Variants in ACAN observed in about 807,000 individuals in gnomAD.
ACAN encodes aggrecan.
A neutral mutation model predicts 169.1 loss-of-function variants in ACAN; 47 were observed. The observed-to-expected ratio is 0.28, with a 90% CI of 0.22 to 0.35. The LOEUF (loss-of-function observed/expected upper bound fraction) is 0.35. Among genes scored for constraint, ACAN ranks in the 10% least tolerant of loss-of-function variants. The probability of loss-of-function intolerance (pLI) is 1.00; values close to 1 mark genes in which losing one functional copy is unlikely to be tolerated. For synonymous variants in ACAN, 1,115 were observed against 1,112.2 expected (o/e 1.00, Z -0.05); for missense variants, 2,716 against 2,759.9 (o/e 0.98, Z 0.36).
rs2141631288 is a variant in ACAN at position 88,868,212 on chromosome 15, G to C, written c.6947-4G>C. On this transcript the variant is annotated splice_polypyrimidine_tract_variant and splice_region_variant and intron_variant, in intron 13 of 18. Coordinates refer to ENST00000560601, the MANE Select transcript of ACAN (RefSeq NM_001369268.1). The surrounding 1 kb of genome is among the most constrained non-coding windows in gnomAD (Gnocchi z 5.2). ...TCCTAATGGTGGCCCTTGGTTTCTT[G>C]CAGACATTGATGAGTGCCTCTCAAG... 4.3e-6 allele frequency: 3 copies of C among 702,198 alleles called. No homozygotes were observed. Among genetic ancestry groups the C allele is most frequent in the South Asian group, 1.5e-5 (1 of 67,464 alleles). The allele number at this position is 702,198 out of a possible 1,614,324, so 43.5% of individuals were successfully genotyped here.
intron 1 of ACAN, among the ~76,000 whole-genome samples, chr15:88,818,718 A>G (rs1054722788): frequency 3.3e-5 from 5 of 152,208 alleles, no homozygotes; most frequent in African/African-American, 1.2e-4. Flanking sequence ...GCCTTCCTCC[A>G]AGATTTTCAA....
chr15:88,812,335 C>T (rs1265673956), intron 1 of ACAN, among the ~76,000 whole-genome samples: 1 of 152,068 alleles, frequency 6.6e-6, no homozygotes, highest in African/African-American at 2.4e-5. Flanking sequence ...CACAGAATGA[C>T]TCGCCCTTGG....
Position 88,868,819 on chromosome 15 carries a change from T to G in ACAN, c.7060+490T>G, listed in dbSNP as rs555957714. 4.6e-5 allele frequency among the ~76,000 whole-genome samples: 7 copies of G among 152,206 alleles called. No individual in the cohort carries two copies. Among genetic ancestry groups the G allele is most frequent in the Non-Finnish European group, 1.0e-4 (7 of 68,038 alleles). ...CTCCTGGGGCAAGAGCTGTGGTTGG[T>G]CTGCCTGAGATCTCCCGTGTCATCA... is the stretch of plus-strand genomic sequence containing the variant. On this transcript the variant is annotated intron_variant, in intron 14 of 18. Transcript: ENST00000560601. The surrounding 1 kb of genome is among the most constrained non-coding windows in gnomAD (Gnocchi z 5.2).
At chr15:88,841,958 A>G in intron 5 of ACAN, 91 bp downstream of exon 5, 2 of 1,542,854 alleles carry the variant, frequency 1.3e-6, no homozygotes, top group East Asian at 2.3e-5. Context: ...GAGATCACAC[A>G]GGCTGCCAGC....
At chr15:88,847,509 C>T (rs1192956844) in intron 8 of ACAN, 92 bp downstream of exon 8, 1 of 1,377,686 alleles carries the variant, frequency 7.3e-7, no homozygotes, top group Non-Finnish European at 9.6e-7. Context: ...ACACTGAGCA[C>T]CCAATACCTT....
At chr15:88,824,661 C>T (rs960648300) in intron 1 of ACAN, among the ~76,000 whole-genome samples, 1 of 152,144 alleles carries the variant, frequency 6.6e-6, no homozygotes, top group African/African-American at 2.4e-5. Context: ...AGCGGATTAC[C>T]TGAGGTCAGG....
Position 88,845,577 on chromosome 15 carries a change from T to C in ACAN, c.1124T>C (p.Val375Ala), listed in dbSNP as rs747278844. 6.2e-7 allele frequency: 1 copy of C among 1,613,864 alleles called. No homozygotes were observed. The highest frequency in any genetic ancestry group is 8.5e-7 in the Non-Finnish European group (1 of 1,179,900). Residue 375 changes from valine to alanine, a missense_variant, in exon 7 of 19, where the codon GTG (valine) becomes GCG (alanine). By Grantham distance (64) the Val-to-Ala change is moderately conservative. Coordinates refer to ENST00000560601, the MANE Select transcript of ACAN (RefSeq NM_001369268.1). ...GGEEDITVQT[V>A]TWPDMELPLP... Reference sequence around the variant, plus strand: ...GAGGAGGACATCACCGTCCAGACAGTGACCTGGCCTGACATGGAGCTGCCA... The same window carrying C: ...GAGGAGGACATCACCGTCCAGACAGCGACCTGGCCTGACATGGAGCTGCCA...
chr15:88,807,611 C>T lies in ACAN; in HGVS notation c.-8+3802C>T, dbSNP rs1267620550. Among the ~76,000 whole-genome samples the T allele has an allele frequency of 6.6e-6, 1 of 152,054 alleles. No homozygotes were observed. Among genetic ancestry groups the T allele is most frequent in the Admixed American group, 6.5e-5 (1 of 15,268 alleles). On this transcript the variant is annotated intron_variant, in intron 1 of 18. Coordinates refer to ENST00000560601, the MANE Select transcript of ACAN (RefSeq NM_001369268.1). This position sits in a 1 kb window ranked among gnomAD's most constrained non-coding sequence, Gnocchi z 4.0. ...GCTGGAGAAGGAGCGGGAGTGCAGG[C>T]GAGAGGAGGACCAGAGAGGGGGAAT...
rs557798737 is a variant in ACAN at position 88,836,281 on chromosome 15, G to A, written c.70+5G>A. On this transcript the variant is annotated splice_donor_5th_base_variant and intron_variant, in intron 2 of 18. Coordinates refer to ENST00000560601, the MANE Select transcript of ACAN (RefSeq NM_001369268.1). Reference sequence around the variant, plus strand: ...CTGTCACTGTAGAAACTTCAGGTGAGGACATTCCTATACATGTTTCACGTA... The same window carrying A: ...CTGTCACTGTAGAAACTTCAGGTGAAGACATTCCTATACATGTTTCACGTA... 5 of 1,611,860 alleles carry A rather than the reference G, an allele frequency of 3.1e-6. No individual in the cohort carries two copies. In the East Asian group the frequency reaches 1.1e-4, roughly 36 times the overall value.
chr15:88,818,799 G>A (rs752315742), intron 1 of ACAN, among the ~76,000 whole-genome samples: 27 of 152,198 alleles, frequency 1.8e-4, no homozygotes, highest in Non-Finnish European at 3.1e-4. Context: ...AAGAGATTCA[G>A]TTTGGCATGG....
Position 88,849,678 on chromosome 15 carries a change from A to G in ACAN, c.1973A>G (p.Asn658Ser), listed in dbSNP as rs370283261. Reference protein sequence around the residue: ...PGVRTVYLYPNQTGLPDPLSR... With the variant: ...PGVRTVYLYPSQTGLPDPLSR... ...GTGAGAACGGTCTACCTCTACCCTA[A>G]CCAGACGGGCCTCCCAGACCCACTG... is the stretch of plus-strand genomic sequence containing the variant. The change falls in exon 10 of 19, where the codon AAC becomes AGC. Residue 658 changes from asparagine to serine, a missense_variant. By Grantham distance (46) the Asn-to-Ser change is conservative. Transcript: ENST00000560601. The surrounding 1 kb of genome is among the most constrained non-coding windows in gnomAD (Gnocchi z 5.1). The G allele has an allele frequency of 2.6e-5, 42 of 1,613,648 alleles. No individual in the cohort carries two copies. The highest frequency in any genetic ancestry group is 2.2e-4 in the East Asian group (10 of 44,872).
Position 88,872,834 on chromosome 15 carries a change from C to A in ACAN, c.7303-47C>A, listed in dbSNP as rs527701138. On this transcript the variant is annotated intron_variant, in intron 16 of 18. Coordinates refer to ENST00000560601, the MANE Select transcript of ACAN (RefSeq NM_001369268.1). The surrounding 1 kb of genome is among the most constrained non-coding windows in gnomAD (Gnocchi z 5.4). ...GGAAGACAGTCGGAGCAGGCCAACCCGCACTGTCCTGCCCTCTCCTTACTC... is the reference window on the plus strand; with the variant it reads ...GGAAGACAGTCGGAGCAGGCCAACCAGCACTGTCCTGCCCTCTCCTTACTC... 1 of 1,604,990 alleles carries A rather than the reference C, an allele frequency of 6.2e-7. No homozygotes were observed. Among genetic ancestry groups the A allele is most frequent in the Non-Finnish European group, 8.5e-7 (1 of 1,175,092 alleles).
chr15:88,811,343 G>C (rs553509955), intron 1 of ACAN, among the ~76,000 whole-genome samples: 1 of 152,134 alleles, frequency 6.6e-6, no homozygotes, highest in African/African-American at 2.4e-5. Context: ...ATCTAGGCAC[G>C]GGCCCAGGTT....
chr15:88,807,959 G>A lies in ACAN; in HGVS notation c.-8+4150G>A, dbSNP rs1423040967. ...ATTTGGATATTTGGTTACCTTTGAG[G>A]TTACATGTTTTTCCTCTTAAGATAC... is the stretch of plus-strand genomic sequence containing the variant. On this transcript the variant is annotated intron_variant, in intron 1 of 18. Transcript: ENST00000560601. The surrounding 1 kb of genome is among the most constrained non-coding windows in gnomAD (Gnocchi z 4.0). 6.6e-6 allele frequency among the ~76,000 whole-genome samples: 1 copy of A among 152,102 alleles called. No homozygotes were observed. Among genetic ancestry groups the A allele is most frequent in the African/African-American group, 2.4e-5 (1 of 41,424 alleles).
chr15:88,848,430 T>C (rs183259068), intron 9 of ACAN, among the ~76,000 whole-genome samples: 4,132 of 152,162 alleles, frequency 0.027, 195 homozygotes, highest in African/African-American at 0.095. Flanking sequence ...CAAAAAACCT[T>C]TTTAGGCTGG....
chr15:88,855,133 A>G lies in ACAN; in HGVS notation c.2548A>G (p.Ser850Gly), dbSNP rs150116620. ...EPYTPSPPVP[S>G]WTELPSSGEE... ...GTATACACCTTCACCCCCCGTGCCCAGCTGGACTGAGCTGCCCAGCTCTGG... is the reference window on the plus strand; with the variant it reads ...GTATACACCTTCACCCCCCGTGCCCGGCTGGACTGAGCTGCCCAGCTCTGG... The change falls in exon 12 of 19, where the codon AGC (serine) becomes GGC (glycine). Residue 850 changes from serine (S) to glycine (G), a missense_variant. Physicochemically the swap from Ser to Gly is moderately conservative, Grantham distance 56 (BLOSUM62 0). Transcript: ENST00000560601. 1,084 of 1,608,722 alleles carry G rather than the reference A, an allele frequency of 6.7e-4. 10 individuals are homozygous for G. The African/African-American group carries it at 0.013, about 20-fold the overall frequency.
In ACAN at chr15:88,807,747, AGTGTGTGTGTGTGT is replaced by A. The variant is rs33937048; in HGVS notation, c.-8+3964_-8+3977del. Among the ~76,000 whole-genome samples the A allele has an allele frequency of 1.1e-4, 16 of 142,026 alleles. No homozygotes were observed. The highest frequency in any genetic ancestry group is 3.7e-4 in the African/African-American group (14 of 38,132). 93.2% of individuals were successfully genotyped at this position (142,026 alleles called of 152,430 possible). ...CTCAGAGCCTCCTTATAAGTGGTGG[AGTGTGTGTGTGTGT>A]GTGTGTGTGTGTGTGTGTGTGTGTG... is the stretch of plus-strand genomic sequence containing the variant. On this transcript the variant is annotated intron_variant, in intron 1 of 18. Transcript: ENST00000560601. This position sits in a 1 kb window ranked among gnomAD's most constrained non-coding sequence, Gnocchi z 4.0.
intron 1 of ACAN, among the ~76,000 whole-genome samples, chr15:88,818,720 G>A (rs1222646117): frequency 6.6e-6 from 1 of 152,182 alleles, no homozygotes; most frequent in African/African-American, 2.4e-5. Context: ...CTTCCTCCAA[G>A]ATTTTCAAGG....
In ACAN at chr15:88,847,899, TC is replaced by T. The variant is rs1896834315; in HGVS notation, c.1605-11del. 6.2e-7 allele frequency: 1 copy of T among 1,611,754 alleles called. No homozygotes were observed. Among genetic ancestry groups the T allele is most frequent in the African/African-American group, 1.3e-5 (1 of 74,782 alleles). On this transcript the variant is annotated splice_polypyrimidine_tract_variant and intron_variant, in intron 8 of 18. Transcript: ENST00000560601. ...ACAGGCCTTCATCTTCTCCTCCCAC[TC>T]TCCTTTGCAGATACCCCATTGTGAG... is the stretch of plus-strand genomic sequence containing the variant.
Sources: gnomAD v4.1 joint callset for allele counts (sites outside exome capture counted in the v4.1 genomes callset) on GRCh38, gnomAD v4.1.1 for gene constraint, Gnocchi (gnomAD v3.1) non-coding constraint, MANE v1.5 for transcripts, NCBI Gene and HGNC (gene_info 2026-07-23, HGNC 2026-07-21) for gene names.